The following PPARGC1A variants were observed in gnomAD, a reference collection of about 807,000 sequenced individuals.
PPARGC1A encodes the protein peroxisome proliferator-activated receptor gamma coactivator 1-alpha.
Under a neutral mutation model 88.7 loss-of-function variants are expected in PPARGC1A, and 25 were observed. That is an observed-to-expected ratio of 0.28 (90% CI 0.21 to 0.39). PPARGC1A has a LOEUF of 0.39. PPARGC1A is among the 10% of genes least tolerant of loss of function. The pLI, the probability that PPARGC1A is intolerant of heterozygous loss-of-function variation, is 1.00. For synonymous variants in PPARGC1A, 363 were observed against 355.6 expected (o/e 1.02, Z -0.24); for missense variants, 880 against 968.7 (o/e 0.91, Z 1.22).
the PPARGC1A span, among the ~76,000 whole-genome samples, chr4:24,083,117 C>T: frequency 6.6e-6 from 1 of 152,138 alleles, no homozygotes; most frequent in Admixed American, 6.5e-5. Flanking sequence ...CTTGAGCCTG[C>T]TCTATGCCTG....
At chr4:24,014,590 A>C in the PPARGC1A span, among the ~76,000 whole-genome samples, 1 of 152,018 alleles carries the variant, frequency 6.6e-6, no homozygotes, top group Non-Finnish European at 1.5e-5. Flanking sequence ...CCTCTTCCAA[A>C]CTCAATCAAA....
At chr4:24,334,748 T>C in the PPARGC1A span, among the ~76,000 whole-genome samples, 1 of 152,172 alleles carries the variant, frequency 6.6e-6, no homozygotes, top group Non-Finnish European at 1.5e-5. Context: ...ACATTGAACA[T>C]TTCCATTTCT....
At chr4:23,953,618 A>G in the PPARGC1A span, among the ~76,000 whole-genome samples, 2 of 152,084 alleles carry the variant, frequency 1.3e-5, no homozygotes, top group African/African-American at 4.8e-5. Context: ...TGCGCTGAAC[A>G]TTCAAAACTC....
the PPARGC1A span, among the ~76,000 whole-genome samples, chr4:24,293,419 T>C: frequency 1.5e-3 from 3 of 2,026 alleles, no homozygotes; most frequent in Non-Finnish European, 1.7e-3. Context: ...CCCCTCAGCC[T>C]CACCACTGCC....
chr4:24,223,833 G>A, the PPARGC1A span, among the ~76,000 whole-genome samples: 3 of 152,160 alleles, frequency 2.0e-5, no homozygotes, highest in Non-Finnish European at 1.5e-5. Context: ...GACAAATTCA[G>A]TTTGATTTAC....
chr4:24,114,972 G>C, the PPARGC1A span, among the ~76,000 whole-genome samples: 1 of 152,110 alleles, frequency 6.6e-6, no homozygotes, highest in Non-Finnish European at 1.5e-5. Flanking sequence ...AAAATGTCCA[G>C]TAGCCACTAT....
the PPARGC1A span, among the ~76,000 whole-genome samples, chr4:24,235,729 A>G: frequency 5.3e-5 from 8 of 152,226 alleles, no homozygotes; most frequent in Admixed American, 5.2e-4. Context: ...GTCAATGTTA[A>G]GAAACAGAAT....
the PPARGC1A span, among the ~76,000 whole-genome samples, chr4:24,437,435 T>C: frequency 1.3e-5 from 2 of 152,112 alleles, no homozygotes; most frequent in Non-Finnish European, 2.9e-5. Context: ...AGGGCTGCCA[T>C]AGGCTTGGTA....
chr4:24,081,476 G>T, the PPARGC1A span, among the ~76,000 whole-genome samples: 1 of 152,106 alleles, frequency 6.6e-6, no homozygotes, highest in Non-Finnish European at 1.5e-5. Context: ...AGGCTTACTG[G>T]CTATGTAATA....
At chr4:23,963,709 T>C in the PPARGC1A span, among the ~76,000 whole-genome samples, 1 of 152,296 alleles carries the variant, frequency 6.6e-6, no homozygotes, top group Non-Finnish European at 1.5e-5. Flanking sequence ...TCCATAAATG[T>C]GTGGCCATAA....
the PPARGC1A span, among the ~76,000 whole-genome samples, chr4:24,217,675 C>A: frequency 1.3e-5 from 2 of 152,108 alleles, no homozygotes; most frequent in African/African-American, 4.8e-5. Context: ...TGGTGGTGCA[C>A]ACCTGTAGTC....
chr4:24,206,506 T>TA, the PPARGC1A span, among the ~76,000 whole-genome samples: 358 of 152,126 alleles, frequency 2.4e-3, 1 homozygote, highest in African/African-American at 8.1e-3. Flanking sequence ...AACTTAACTA[T>TA]AAAAAAAGCC....
In PPARGC1A at chr4:23,794,635, T is replaced by C. The variant is rs1385875282; in HGVS notation, c.*1187A>G. 1.3e-5 allele frequency: 2 copies of C among 152,608 alleles called. No individual in the cohort carries two copies. The highest frequency in any genetic ancestry group is 1.3e-4 in the Admixed American group (2 of 15,264). 9.5% of individuals were successfully genotyped at this position (152,608 alleles called of 1,614,324 possible). On this transcript the variant is annotated 3_prime_UTR_variant, in exon 13 of 13. Transcript: ENST00000264867. ...TGAATATTCTTGATTAAGAAAAATT[T>C]AGCAGTTTTGAAAAGAAGGCTGCAT... is the stretch of plus-strand genomic sequence containing the variant.
chr4:24,132,951 T>C, the PPARGC1A span, among the ~76,000 whole-genome samples: 3 of 152,176 alleles, frequency 2.0e-5, no homozygotes, highest in Non-Finnish European at 2.9e-5. Flanking sequence ...GGTAAACAGA[T>C]GCTATGGGAT....
chr4:24,381,758 G>T, the PPARGC1A span, among the ~76,000 whole-genome samples: 1 of 152,204 alleles, frequency 6.6e-6, no homozygotes, highest in African/African-American at 2.4e-5. Context: ...TAGATTATCT[G>T]CTGAATAGCC....
chr4:24,095,491 T>C, the PPARGC1A span, among the ~76,000 whole-genome samples: 1 of 151,998 alleles, frequency 6.6e-6, no homozygotes, highest in Non-Finnish European at 1.5e-5. Flanking sequence ...TAATCCAATA[T>C]GATTGATGTC....
At chr4:24,058,975 C>A in the PPARGC1A span, among the ~76,000 whole-genome samples, 2 of 152,022 alleles carry the variant, frequency 1.3e-5, no homozygotes, top group Admixed American at 1.3e-4. Flanking sequence ...TATAGCTAAC[C>A]AGAGAAAAGA....
chr4:24,442,100 G>A, the PPARGC1A span, among the ~76,000 whole-genome samples: 3 of 151,958 alleles, frequency 2.0e-5, no homozygotes, highest in Admixed American at 6.6e-5. Context: ...CAGAATCGTG[G>A]AAATCAAAGT....
At chr4:24,157,913 T>C in the PPARGC1A span, among the ~76,000 whole-genome samples, 1 of 151,964 alleles carries the variant, frequency 6.6e-6, no homozygotes, top group Admixed American at 6.6e-5. Context: ...AAATTAGATA[T>C]CACTTTTCAA....
Sources: allele counts gnomAD v4.1 joint callset (sites outside exome capture counted in the v4.1 genomes callset), GRCh38; gene constraint gnomAD v4.1.1; transcripts MANE v1.5; gene names NCBI Gene and HGNC (gene_info 2026-07-23, HGNC 2026-07-21).